The following KCNK12 variants were observed in gnomAD, a reference collection of about 807,000 sequenced individuals.
The protein encoded by KCNK12 is potassium channel subfamily K member 12.
A neutral mutation model predicts 25.3 loss-of-function variants in KCNK12; 6 were observed. The ratio of observed to expected loss-of-function variants is 0.24; its 90% CI spans 0.13 to 0.47. The LOEUF (loss-of-function observed/expected upper bound fraction) is 0.47, where lower values mean the gene tolerates loss of function less well. Among genes scored for constraint, KCNK12 ranks in the 20% least tolerant of loss-of-function variants. The probability of loss-of-function intolerance (pLI) is 0.99; values close to 1 mark genes in which losing one functional copy is unlikely to be tolerated. For missense variants in KCNK12, 444 were observed against 661.7 expected (o/e 0.67, Z 3.61); for synonymous variants, 331 against 311.1 (o/e 1.06, Z -0.67).
chr2:47,522,136 A>C (rs569510922), intron 1 of KCNK12, among the ~76,000 whole-genome samples: 1 of 152,352 alleles, frequency 6.6e-6, no homozygotes, highest in East Asian at 1.9e-4. Context: ...GCACAGGTGC[A>C]AACCACTGAG....
Position 47,569,588 on chromosome 2 carries a change from C to CT in KCNK12, c.391+352dup, listed in dbSNP as rs1423586707. On this transcript the variant is annotated intron_variant, in intron 1 of 1. Coordinates refer to ENST00000327876, the MANE Select transcript of KCNK12 (RefSeq NM_022055.2). The surrounding 1 kb of genome is among the most constrained non-coding windows in gnomAD (Gnocchi z 4.1). The stretch of plus-strand genomic sequence containing the variant: ...TTTTGAGATCATCCTGGAGAGGAAA[C>CT]TGAGGCCTGGGGGTTGTGGGTGGAA... Among the ~76,000 whole-genome samples the CT allele has an allele frequency of 1.3e-5, 2 of 152,080 alleles. No individual in the cohort carries two copies. Among genetic ancestry groups the CT allele is most frequent in the Admixed American group, 6.5e-5 (1 of 15,270 alleles).
Position 47,548,614 on chromosome 2 carries a change from G to A in KCNK12, c.391+21327C>T, listed in dbSNP as rs187475493. ...ATCCAGATTCTACACACTGACTTTC[G>A]CTTCAGGCCACGAGGGCGTAGCTGA... On this transcript the variant is annotated intron_variant, in intron 1 of 1. Transcript: ENST00000327876. This position sits in a 1 kb window ranked among gnomAD's most constrained non-coding sequence, Gnocchi z 4.4. 2.7e-3 allele frequency among the ~76,000 whole-genome samples: 411 copies of A among 152,200 alleles called. 4 individuals carry two copies. The Middle Eastern group carries it at 0.027, about 10-fold the overall frequency.
chr2:47,530,518 G>A (rs535250544), intron 1 of KCNK12, among the ~76,000 whole-genome samples: 8 of 152,122 alleles, frequency 5.3e-5, no homozygotes, highest in Admixed American at 6.5e-5. Flanking sequence ...CTGAAAATGC[G>A]GAGGGTATAA....
chr2:47,541,040 G>A (rs2104813440), intron 1 of KCNK12, among the ~76,000 whole-genome samples: 1 of 152,342 alleles, frequency 6.6e-6, no homozygotes, highest in East Asian at 1.9e-4. Context: ...GTGACTTGCT[G>A]CCTTTTATTG....
rs1669365130 is a variant in KCNK12, at chr2:47,548,766, T to C, written c.391+21175A>G. On this transcript the variant is annotated intron_variant, in intron 1 of 1. Coordinates refer to ENST00000327876, the MANE Select transcript of KCNK12 (RefSeq NM_022055.2). This position sits in a 1 kb window ranked among gnomAD's most constrained non-coding sequence, Gnocchi z 4.4. ...CCTGAGAGAAGGGAAACAAACAAGG[T>C]GAGCCCTTCAAAAGCCCTGGTTTTT... Among the ~76,000 whole-genome samples, 1 of 152,184 alleles carries C rather than the reference T, an allele frequency of 6.6e-6. No individual in the cohort carries two copies. Among genetic ancestry groups the C allele is most frequent in the Non-Finnish European group, 1.5e-5 (1 of 68,032 alleles).
rs1046137645 is a variant in KCNK12, at chr2:47,514,332, AGC to A, written c.*6573_*6574del. ...GGGAGCCCTCAGCAGGCCGTACTGC[AGC>A]GCCCTGCCCCCGTCAGCCTCCAGGA... is the stretch of plus-strand genomic sequence containing the variant. On this transcript the variant is annotated 3_prime_UTR_variant, in exon 2 of 2. Transcript: ENST00000327876. The surrounding 1 kb of genome is among the most constrained non-coding windows in gnomAD (Gnocchi z 5.0). Among the ~76,000 whole-genome samples, 6 of 152,196 alleles carry A rather than the reference AGC, an allele frequency of 3.9e-5. No individual in the cohort carries two copies. Among genetic ancestry groups the A allele is most frequent in the Non-Finnish European group, 1.5e-5 (1 of 68,038 alleles).
Position 47,557,435 on chromosome 2 carries a change from TG to T in KCNK12, c.391+12505del, listed in dbSNP as rs200911843. On this transcript the variant is annotated intron_variant, in intron 1 of 1. Transcript: ENST00000327876. This position sits in a 1 kb window ranked among gnomAD's most constrained non-coding sequence, Gnocchi z 4.9. ...TGAGTGAAATCAACTTTTTTTTGTT[TG>T]TTTTTTTTTAATAAATTACCCAGTC... Among the ~76,000 whole-genome samples the T allele has an allele frequency of 2.4e-3, 370 of 152,126 alleles. 3 individuals carry two copies. Among genetic ancestry groups the T allele is most frequent in the African/African-American group, 8.6e-3 (357 of 41,482 alleles).
Position 47,570,419 on chromosome 2 carries a change from G to A in KCNK12, c.-88C>T. The A allele has an allele frequency of 8.4e-7, 1 of 1,193,586 alleles. No individual in the cohort carries two copies. The highest frequency in any genetic ancestry group is 1.0e-6 in the Non-Finnish European group (1 of 962,654). The allele number at this position is 1,193,586 out of a possible 1,614,324, so 73.9% of individuals were successfully genotyped here. A position where few individuals can be genotyped will look rare whatever the true frequency, so the allele number is the denominator to read the frequency against. On this transcript the variant is annotated 5_prime_UTR_variant, in exon 1 of 2. Transcript: ENST00000327876. ...GCGGGAGCAGGAGCGTGAGGATGGT[G>A]GCCAGGGGTCCGGGGCCGCCGCGGA... is the stretch of plus-strand genomic sequence containing the variant.
Position 47,550,768 on chromosome 2 carries a change from C to A in KCNK12, c.391+19173G>T, listed in dbSNP as rs561223678. On this transcript the variant is annotated intron_variant, in intron 1 of 1. Transcript: ENST00000327876. ...CAGGAAAACAAAACAATGAAAAAAA[C>A]CCCACACTTCAGTAAATATGCATTT... Among the ~76,000 whole-genome samples, 3 of 152,080 alleles carry A rather than the reference C, an allele frequency of 2.0e-5. No homozygotes were observed. In the South Asian group the frequency reaches 6.2e-4, roughly 32 times the overall value.
At chr2:47,537,124 G>A (rs955965897) in intron 1 of KCNK12, among the ~76,000 whole-genome samples, 3 of 152,190 alleles carry the variant, frequency 2.0e-5, no homozygotes, top group South Asian at 2.1e-4. Context: ...AGCTCTCGGC[G>A]CTCAGGGGCT....
chr2:47,570,086 C>G lies in KCNK12; in HGVS notation c.246G>C (p.Ala82=). 3 of 1,386,860 alleles carry G rather than the reference C, an allele frequency of 2.2e-6. No homozygotes were observed. Among genetic ancestry groups the G allele is most frequent in the Non-Finnish European group, 2.8e-6 (3 of 1,071,048 alleles). 85.9% of individuals were successfully genotyped at this position (1,386,860 alleles called of 1,614,324 possible). The change falls in exon 1 of 2, where the codon GCG becomes GCC. Residue 82 remains alanine (A), a synonymous_variant. Coordinates refer to ENST00000327876, the MANE Select transcript of KCNK12 (RefSeq NM_022055.2). The part of the protein sequence containing the change: ...WGATLRNFSA[A]HGVAEPELRA... Reference sequence around the variant, plus strand: ...GCAGCTCTGGCTCGGCCACGCCGTGCGCAGCGCTGAAGTTGCGCAGCGTGG... The same window carrying G: ...GCAGCTCTGGCTCGGCCACGCCGTGGGCAGCGCTGAAGTTGCGCAGCGTGG...
intron 1 of KCNK12, among the ~76,000 whole-genome samples, chr2:47,524,781 C>T (rs1347209603): frequency 6.6e-6 from 1 of 152,126 alleles, no homozygotes. Context: ...AACTTCTAGA[C>T]TGTTAGAACT....
chr2:47,514,766 A>G lies in KCNK12; in HGVS notation c.*6141T>C, dbSNP rs947168328. Among the ~76,000 whole-genome samples the G allele has an allele frequency of 2.3e-4, 35 of 152,090 alleles. No homozygotes were observed. The East Asian group carries it at 5.8e-3, about 25-fold the overall frequency. On this transcript the variant is annotated 3_prime_UTR_variant, in exon 2 of 2. Coordinates refer to ENST00000327876, the MANE Select transcript of KCNK12 (RefSeq NM_022055.2). This position sits in a 1 kb window ranked among gnomAD's most constrained non-coding sequence, Gnocchi z 5.0. ...TCTTGGACTCCAGGCGTGCACCACC[A>G]TGACTGGCTAATTTTTTGTATTTTT...
In KCNK12 at chr2:47,513,967, C is replaced by T. The variant is rs922861176; in HGVS notation, c.*6940G>A. Among the ~76,000 whole-genome samples the T allele has an allele frequency of 1.3e-5, 2 of 152,178 alleles. No homozygotes were observed. Among genetic ancestry groups the T allele is most frequent in the African/African-American group, 4.8e-5 (2 of 41,438 alleles). ...GAGTCATTTTCGGCAGCACACGCAT[C>T]CTTAAAACCCCTCCACTGGCTTGCC... On this transcript the variant is annotated 3_prime_UTR_variant, in exon 2 of 2. Transcript: ENST00000327876.
rs959301252 is a variant in KCNK12 at position 47,511,251 on chromosome 2, A to C, written c.*9656T>G. Among the ~76,000 whole-genome samples, 23 of 152,146 alleles carry C rather than the reference A, an allele frequency of 1.5e-4. No individual in the cohort carries two copies. Among genetic ancestry groups the C allele is most frequent in the African/African-American group, 5.6e-4 (23 of 41,430 alleles). On this transcript the variant is annotated 3_prime_UTR_variant, in exon 2 of 2. Transcript: ENST00000327876. This position sits in a 1 kb window ranked among gnomAD's most constrained non-coding sequence, Gnocchi z 4.3. ...TTCCCTCTGTCTGCAGAGTCAAGCA[A>C]ATCTTCCATTTTTTGTTCCCCTGCT...
intron 1 of KCNK12, among the ~76,000 whole-genome samples, chr2:47,524,268 G>T (rs767025636): frequency 6.6e-6 from 1 of 152,214 alleles, no homozygotes; most frequent in Non-Finnish European, 1.5e-5. Flanking sequence ...TAAGTGGAGT[G>T]GGAGTATATG....
chr2:47,568,205 A>G (rs1669820488), intron 1 of KCNK12, among the ~76,000 whole-genome samples: 1 of 152,078 alleles, frequency 6.6e-6, no homozygotes, highest in Non-Finnish European at 1.5e-5. Flanking sequence ...GAAGAAAGGG[A>G]AAGGGCGTGT....
At chr2:47,535,976 C>T (rs1250350101) in intron 1 of KCNK12, among the ~76,000 whole-genome samples, 1 of 152,182 alleles carries the variant, frequency 6.6e-6, no homozygotes, top group Non-Finnish European at 1.5e-5. Flanking sequence ...CAGTTCTGCC[C>T]AATTTCAAAT....
rs146011052 is a variant in KCNK12 at position 47,533,702 on chromosome 2, A to AGT, written c.392-11896_392-11895dup. Among the ~76,000 whole-genome samples the AGT allele has an allele frequency of 1.3e-5, 2 of 151,728 alleles. No individual in the cohort carries two copies. Among genetic ancestry groups the AGT allele is most frequent in the African/African-American group, 2.4e-5 (1 of 41,272 alleles). ...CATCTTTTCCAGTCCCCAAAGTGAG[A>AGT]GTGTGTGTGTGTGGGAGAGATATTT... On this transcript the variant is annotated intron_variant, in intron 1 of 1. Transcript: ENST00000327876. This position sits in a 1 kb window ranked among gnomAD's most constrained non-coding sequence, Gnocchi z 4.7.
Sources: gnomAD v4.1 joint callset for allele counts (sites outside exome capture counted in the v4.1 genomes callset) on GRCh38, gnomAD v4.1.1 for gene constraint, Gnocchi (gnomAD v3.1) non-coding constraint, MANE v1.5 for transcripts, NCBI Gene and HGNC (gene_info 2026-07-23, HGNC 2026-07-21) for gene names.